PAK1: variants seen among roughly 807,000 people sequenced by gnomAD.
The protein encoded by PAK1 is p21 (RAC1) activated kinase 1, also known as serine/threonine-protein kinase PAK 1.
PAK1 carries 29 observed loss-of-function variants against 67.4 expected under a neutral mutation model. The observed-to-expected ratio is 0.43, with a 90% CI of 0.32 to 0.59. PAK1 has a LOEUF of 0.59. Ranked by LOEUF, PAK1 falls within the 20% of genes least tolerant of loss-of-function variation. PAK1 has a pLI of 0.07. For missense variants in PAK1, 337 were observed against 670.7 expected (o/e 0.50, Z 5.50); for synonymous variants, 223 against 237.4 (o/e 0.94, Z 0.56).
chr11:77,425,864 G>A (rs1045316338), intron 1 of PAK1, among the ~76,000 whole-genome samples: 1 of 152,036 alleles, frequency 6.6e-6, no homozygotes, highest in African/African-American at 2.4e-5. Context: ...AGCTACTTGG[G>A]AGGCTAAGGC....
At chr11:77,417,043 G>C (rs1955002172) in intron 1 of PAK1, among the ~76,000 whole-genome samples, 2 of 152,268 alleles carry the variant, frequency 1.3e-5, no homozygotes, top group Admixed American at 1.3e-4. Flanking sequence ...ACAAACATGA[G>C]TAATGTGTTG....
chr11:77,525,890 T>G, the PAK1 span, among the ~76,000 whole-genome samples: 1 of 152,248 alleles, frequency 6.6e-6, no homozygotes, highest in Non-Finnish European at 1.5e-5. Context: ...AAGTGAGATC[T>G]TGAACTCCCC....
At chr11:77,521,515 C>T in the PAK1 span, among the ~76,000 whole-genome samples, 3 of 151,706 alleles carry the variant, frequency 2.0e-5, no homozygotes, top group African/African-American at 4.8e-5. Context: ...GGCAACAAAA[C>T]CGAAACTCCA....
At chr11:77,430,507 T>A (rs936643567) in intron 1 of PAK1, among the ~76,000 whole-genome samples, 1 of 152,230 alleles carries the variant, frequency 6.6e-6, no homozygotes, top group Non-Finnish European at 1.5e-5. Context: ...AAGCTGTAGC[T>A]GTCAACAAAA....
At chr11:77,467,142 T>C (rs1240845225) in intron 1 of PAK1, among the ~76,000 whole-genome samples, 3 of 152,136 alleles carry the variant, frequency 2.0e-5, no homozygotes, top group South Asian at 2.1e-4. Context: ...AGAGGGTCCA[T>C]CATCTCCCCT....
chr11:77,500,622 G>C, the PAK1 span, among the ~76,000 whole-genome samples: 2 of 152,136 alleles, frequency 1.3e-5, no homozygotes, highest in Non-Finnish European at 1.5e-5. Context: ...GAGGCAGGAG[G>C]ATCATTTGAG....
At chr11:77,408,998 C>T (rs1333705807) in intron 1 of PAK1, among the ~76,000 whole-genome samples, 1 of 152,164 alleles carries the variant, frequency 6.6e-6, no homozygotes, top group Non-Finnish European at 1.5e-5. Context: ...GGCACGATGG[C>T]TCATGCCTGT....
intron 6 of PAK1, among the ~76,000 whole-genome samples, chr11:77,358,641 C>T (rs748269701): frequency 2.0e-5 from 3 of 151,978 alleles, no homozygotes; most frequent in South Asian, 2.1e-4. Context: ...TGTGGAGAAC[C>T]GAGACTGGAC....
intron 1 of PAK1, among the ~76,000 whole-genome samples, chr11:77,423,447 T>C (rs1955392193): frequency 7.7e-6 from 1 of 130,268 alleles, no homozygotes; most frequent in African/African-American, 2.8e-5. Context: ...ACACACCCCT[T>C]AGGACAATAG....
chr11:77,528,124 C>G, the PAK1 span, among the ~76,000 whole-genome samples: 2 of 152,012 alleles, frequency 1.3e-5, no homozygotes, highest in African/African-American at 4.8e-5. Context: ...CCCAGCCTAT[C>G]CCCACAAACA....
chr11:77,399,876 A>AG (rs1952414425), intron 1 of PAK1, among the ~76,000 whole-genome samples: 1 of 149,672 alleles, frequency 6.7e-6, no homozygotes, highest in Non-Finnish European at 1.5e-5. Context: ...AAAAAAAAAA[A>AG]AAAAAAAAAA....
chr11:77,445,925 T>C (rs1174941183), intron 1 of PAK1, among the ~76,000 whole-genome samples: 3 of 152,184 alleles, frequency 2.0e-5, no homozygotes, highest in Non-Finnish European at 4.4e-5. Context: ...ACCCCCACTA[T>C]ACAATAAGCA....
chr11:77,405,155 C>A (rs916668357), intron 1 of PAK1, among the ~76,000 whole-genome samples: 1 of 152,154 alleles, frequency 6.6e-6, no homozygotes, highest in Non-Finnish European at 1.5e-5. Flanking sequence ...TGAGAATACA[C>A]TGGGCATGTA....
At chr11:77,434,364 G>A (rs1259055577) in intron 1 of PAK1, among the ~76,000 whole-genome samples, 1 of 151,822 alleles carries the variant, frequency 6.6e-6, no homozygotes, top group Non-Finnish European at 1.5e-5. Flanking sequence ...AAAAAATACT[G>A]CCAAATATTA....
intron 1 of PAK1, among the ~76,000 whole-genome samples, chr11:77,471,195 G>A (rs1307907906): frequency 6.6e-6 from 1 of 152,130 alleles, no homozygotes; most frequent in African/African-American, 2.4e-5. Context: ...GCAAGAGAGG[G>A]ATGGGATGGG....
chr11:77,435,321 T>C (rs1355506223), intron 1 of PAK1, among the ~76,000 whole-genome samples: 1 of 152,158 alleles, frequency 6.6e-6, no homozygotes, highest in East Asian at 1.9e-4. Context: ...TGAGGTCAAA[T>C]CCTGGTCTAT....
At chr11:77,354,065 T>C (rs1183286641) in intron 7 of PAK1, among the ~76,000 whole-genome samples, 2 of 152,126 alleles carry the variant, frequency 1.3e-5, no homozygotes, top group African/African-American at 4.8e-5. Flanking sequence ...AAAAAAAGAC[T>C]GGAAAAACTT....
intron 11 of PAK1, among the ~76,000 whole-genome samples, chr11:77,337,689 T>A (rs1365519830): frequency 3.3e-5 from 5 of 152,252 alleles, no homozygotes; most frequent in African/African-American, 1.2e-4. Context: ...CAATGTAATT[T>A]TTTTTCTAAT....
chr11:77,335,181 A>C (rs1397001351), intron 13 of PAK1, among the ~76,000 whole-genome samples: 1 of 152,170 alleles, frequency 6.6e-6, no homozygotes, highest in Non-Finnish European at 1.5e-5. Flanking sequence ...CTCAGTACTC[A>C]AATCTCTTTT....
Sources: gnomAD v4.1 joint callset for allele counts (sites outside exome capture counted in the v4.1 genomes callset) on GRCh38, gnomAD v4.1.1 for gene constraint, MANE v1.5 for transcripts, NCBI Gene and HGNC (gene_info 2026-07-23, HGNC 2026-07-21) for gene names.